Variants in WDPCP observed in about 807,000 individuals in gnomAD.
WDPCP encodes the protein WD repeat containing planar cell polarity effector.
Under a neutral mutation model 93.1 loss-of-function variants are expected in WDPCP, and 71 were observed. The observed-to-expected ratio is 0.76, with a 90% CI of 0.63 to 0.93. The LOEUF (loss-of-function observed/expected upper bound fraction) is 0.93. Among genes scored for constraint, WDPCP ranks in the 40% least tolerant of loss-of-function variants. The probability of loss-of-function intolerance (pLI) is 0.00; values close to 1 mark genes in which losing one functional copy is unlikely to be tolerated. For synonymous variants in WDPCP, 315 were observed against 315.0 expected (o/e 1.00, Z 0.00); for missense variants, 844 against 887.4 (o/e 0.95, Z 0.62).
intron 13 of WDPCP, among the ~76,000 whole-genome samples, chr2:63,269,807 A>C (rs1682472830): frequency 6.6e-6 from 1 of 152,128 alleles, no homozygotes; most frequent in Non-Finnish European, 1.5e-5. Flanking sequence ...TAATTGAAAA[A>C]TTTTATTCGT....
intron 12 of WDPCP, among the ~76,000 whole-genome samples, chr2:63,319,663 A>G (rs984005669): frequency 2.6e-5 from 4 of 152,158 alleles, no homozygotes; most frequent in African/African-American, 9.7e-5. Flanking sequence ...TATTTTTAGT[A>G]GAGATGGGGT....
intron 2 of WDPCP, among the ~76,000 whole-genome samples, chr2:63,702,307 T>G (rs1365746403): frequency 6.6e-6 from 1 of 152,204 alleles, no homozygotes; most frequent in Non-Finnish European, 1.5e-5. Context: ...ATTACAGGCG[T>G]GAGCCACCGT....
At chr2:63,168,107 C>CAA (rs957507138) in intron 15 of WDPCP, among the ~76,000 whole-genome samples, 27 of 53,410 alleles carry the variant, frequency 5.1e-4, no homozygotes, top group African/African-American at 9.0e-4. Flanking sequence ...GAGACCCTGC[C>CAA]AAAAAAAAAA....
intron 14 of WDPCP, among the ~76,000 whole-genome samples, chr2:63,191,290 G>T (rs888367946): frequency 1.1e-4 from 16 of 152,130 alleles, no homozygotes; most frequent in Non-Finnish European, 2.2e-4. Flanking sequence ...TACTTGGGAG[G>T]CTGAGGCAGG....
chr2:63,630,674 G>A (rs1425847842), intron 3 of WDPCP, among the ~76,000 whole-genome samples: 1 of 152,074 alleles, frequency 6.6e-6, no homozygotes, highest in Non-Finnish European at 1.5e-5. Flanking sequence ...AATCATAGTT[G>A]GAGATATCAG....
intron 2 of WDPCP, among the ~76,000 whole-genome samples, chr2:63,705,041 T>C (rs969971058): frequency 6.6e-6 from 1 of 152,132 alleles, no homozygotes; most frequent in African/African-American, 2.4e-5. Flanking sequence ...GTGTATGTGT[T>C]GAGGAATTTA....
At chr2:63,540,581 T>C (rs1704631835) in intron 1 of WDPCP, among the ~76,000 whole-genome samples, 1 of 152,226 alleles carries the variant, frequency 6.6e-6, no homozygotes, top group South Asian at 2.1e-4. Flanking sequence ...TATATGAGAC[T>C]GTTTTATATT....
chr2:63,835,483 T>C, the WDPCP span, among the ~76,000 whole-genome samples: 1 of 151,912 alleles, frequency 6.6e-6, no homozygotes, highest in Non-Finnish European at 1.5e-5. Flanking sequence ...GCCTGACCAT[T>C]TGCACTCCTT....
At chr2:63,281,079 C>A (rs1379542734) in intron 13 of WDPCP, among the ~76,000 whole-genome samples, 1 of 152,062 alleles carries the variant, frequency 6.6e-6, no homozygotes, top group Non-Finnish European at 1.5e-5. Flanking sequence ...ACAATCTATA[C>A]ATCTAACGAA....
rs574567870 is a variant in WDPCP at position 63,382,005 on chromosome 2, T to C, written c.1525A>G (p.Ser509Gly). The C allele has an allele frequency of 6.2e-7, 1 of 1,613,542 alleles. No homozygotes were observed. Among genetic ancestry groups the C allele is most frequent in the Non-Finnish European group, 8.5e-7 (1 of 1,179,734 alleles). The stretch of plus-strand genomic sequence containing the variant: ...CCCAGAGTGTCCCAGTTCATGCTGC[T>C]CAGGATGTTTATTGCCTCATAGATC... ...DEIYEAINIL[S>G]SMNWDTLGHQ... The change falls in exon 11 of 18, where the codon AGC (serine) becomes GGC (glycine). Residue 509 changes from serine (S) to glycine (G), a missense_variant. By Grantham distance (56) the Ser-to-Gly change is moderately conservative. Transcript: ENST00000272321.
At chr2:63,565,198 A>C (rs1182657117) in intron 1 of WDPCP, among the ~76,000 whole-genome samples, 1 of 152,242 alleles carries the variant, frequency 6.6e-6, no homozygotes, top group Non-Finnish European at 1.5e-5. Flanking sequence ...ATCCCAGATT[A>C]TTAGACTTAA....
At chr2:63,781,778 T>C (rs937455964) in intron 2 of WDPCP, among the ~76,000 whole-genome samples, 7 of 152,132 alleles carry the variant, frequency 4.6e-5, no homozygotes, top group African/African-American at 1.4e-4. Flanking sequence ...AAATGAATTA[T>C]TACAGCCATA....
At chr2:63,458,034 G>T (rs137924456) in intron 6 of WDPCP, among the ~76,000 whole-genome samples, 3,833 of 150,284 alleles carry the variant, frequency 0.026, 71 homozygotes, top group Non-Finnish European at 0.036. Flanking sequence ...TGAGGCAGGA[G>T]AATCGCTTGA....
intron 1 of WDPCP, among the ~76,000 whole-genome samples, chr2:63,820,538 C>G (rs1006098356): frequency 1.3e-5 from 2 of 152,154 alleles, no homozygotes; most frequent in Non-Finnish European, 2.9e-5. Context: ...GGCAGACAGT[C>G]TTGACAAACC....
chr2:63,276,811 A>T (rs1683121403), intron 13 of WDPCP, among the ~76,000 whole-genome samples: 1 of 152,250 alleles, frequency 6.6e-6, no homozygotes, highest in African/African-American at 2.4e-5. Context: ...ATTTGAGGGA[A>T]TAATCGAGGA....
chr2:63,291,862 G>A (rs561228518), intron 13 of WDPCP, among the ~76,000 whole-genome samples: 9 of 151,230 alleles, frequency 6.0e-5, no homozygotes, highest in East Asian at 1.9e-4. Context: ...GGCCGGGCGC[G>A]GGGGCTCACG....
intron 15 of WDPCP, among the ~76,000 whole-genome samples, chr2:63,160,351 A>T (rs1672560929): frequency 6.6e-6 from 1 of 152,204 alleles, no homozygotes; most frequent in African/African-American, 2.4e-5. Flanking sequence ...TAACATTTTT[A>T]TGTTTATATT....
At position 63,309,215 on chromosome 2, in the gene WDPCP, C is replaced by G. The variant is rs539022821; in HGVS notation, c.1812+4033G>C. 7.9e-5 allele frequency among the ~76,000 whole-genome samples: 12 copies of G among 152,162 alleles called. 1 individual carries two copies. In the South Asian group the frequency reaches 1.5e-3, roughly 18 times the overall value. On this transcript the variant is annotated intron_variant, in intron 13 of 17. Coordinates refer to ENST00000272321, the MANE Select transcript of WDPCP (RefSeq NM_015910.7). ...AATCCTCACCATTACTCAGTGTATC[C>G]ATGTGACAAACCTGTCCATGTACTT...
chr2:63,299,826 TG>T (rs1035058357), intron 13 of WDPCP, among the ~76,000 whole-genome samples: 86 of 152,310 alleles, frequency 5.6e-4, no homozygotes, highest in African/African-American at 2.0e-3. Flanking sequence ...AAGGCTTTTC[TG>T]TTTAATAAAA....
Sources: allele counts gnomAD v4.1 joint callset (sites outside exome capture counted in the v4.1 genomes callset), GRCh38; gene constraint gnomAD v4.1.1; transcripts MANE v1.5; gene names NCBI Gene and HGNC (gene_info 2026-07-23, HGNC 2026-07-21).